The following EPDR1 variants were observed in gnomAD, a reference collection of about 807,000 sequenced individuals.
EPDR1 encodes ependymin related 1, also known as mammalian ependymin-related protein 1.
In EPDR1, 27 loss-of-function variants were observed where a neutral mutation model predicts 23.7. The observed-to-expected ratio is 1.14, with a 90% CI of 0.84 to 1.57. EPDR1 has a LOEUF of 1.57. EPDR1 is among the 40% of genes most tolerant of loss of function. The pLI is 0.00. For missense variants in EPDR1, 349 were observed against 290.4 expected (o/e 1.20, Z -1.47); for synonymous variants, 137 against 118.2 (o/e 1.16, Z -1.03).
intron 1 of EPDR1, among the ~76,000 whole-genome samples, chr7:37,935,344 T>A (rs527368574): frequency 6.6e-6 from 1 of 152,354 alleles, no homozygotes; most frequent in South Asian, 2.1e-4. Flanking sequence ...CTTTGTTACG[T>A]AGTAGAGCAA....
intron 1 of EPDR1, among the ~76,000 whole-genome samples, chr7:37,933,357 A>G (rs1215555149): frequency 6.6e-6 from 1 of 152,208 alleles, no homozygotes; most frequent in Non-Finnish European, 1.5e-5. Flanking sequence ...TATATCTTGG[A>G]TGGCTGAGCA....
intron 1 of EPDR1, among the ~76,000 whole-genome samples, chr7:37,947,434 T>C (rs1449290310): frequency 6.6e-6 from 1 of 152,236 alleles, no homozygotes; most frequent in African/African-American, 2.4e-5. Flanking sequence ...AAGCCTATCA[T>C]GAAGTGACGC....
intron 1 of EPDR1, among the ~76,000 whole-genome samples, chr7:37,927,283 A>G (rs1785833356): frequency 6.6e-6 from 1 of 152,176 alleles, no homozygotes; most frequent in African/African-American, 2.4e-5. Flanking sequence ...ACACATTTAC[A>G]TCTATATTTA....
chr7:37,949,145 C>T, intron 2 of EPDR1, 97 bp downstream of exon 2: 1 of 1,243,076 alleles, frequency 8.0e-7, no homozygotes, highest in Non-Finnish European at 1.1e-6. Flanking sequence ...GAAACATCCG[C>T]TTAATCAAAA....
chr7:37,925,538 T>C (rs1036087770), intron 1 of EPDR1, among the ~76,000 whole-genome samples: 4 of 152,238 alleles, frequency 2.6e-5, no homozygotes, highest in Admixed American at 2.0e-4. Context: ...ATATTATTTC[T>C]TGGAGAAGAG....
intron 1 of EPDR1, among the ~76,000 whole-genome samples, chr7:37,944,408 G>C (rs551561389): frequency 1.3e-5 from 2 of 152,186 alleles, no homozygotes; most frequent in Admixed American, 6.5e-5. Context: ...ACTCTGGTGA[G>C]GAAGGTAAAT....
At chr7:37,921,451 G>A in intron 1 of EPDR1, 6 of 1,382,196 alleles carry the variant, frequency 4.3e-6, no homozygotes, top group Non-Finnish European at 5.6e-6. Context: ...GGCGGTGGCA[G>A]GTAAAGAAGG....
intron 1 of EPDR1, among the ~76,000 whole-genome samples, chr7:37,944,910 A>G (rs1359198862): frequency 6.6e-6 from 1 of 152,206 alleles, no homozygotes; most frequent in Non-Finnish European, 1.5e-5. Context: ...TTGCAGTCTG[A>G]GAAGCACACA....
At chr7:37,934,166 C>T (rs967890069) in intron 1 of EPDR1, among the ~76,000 whole-genome samples, 3 of 152,028 alleles carry the variant, frequency 2.0e-5, no homozygotes, top group Non-Finnish European at 2.9e-5. Context: ...TTAGTAGAGA[C>T]GGAGTTTCAC....
At chr7:37,923,251 T>C (rs1785745836) in intron 1 of EPDR1, among the ~76,000 whole-genome samples, 1 of 152,116 alleles carries the variant, frequency 6.6e-6, no homozygotes, top group Non-Finnish European at 1.5e-5. Flanking sequence ...GAGATTGTCG[T>C]AGTGGTCCAG....
chr7:37,948,960 C>G lies in EPDR1; in HGVS notation c.390C>G (p.Asn130Lys), dbSNP rs1191733162. The part of the protein sequence containing the change: ...QPWDPLDIPQ[N>K]STFEDQYSIG... ...GGGATCCTCTTGACATTCCTCAAAA[C>G]TCCACCTTTGAAGACCAGTACTCCA... Residue 130 changes from asparagine (N) to lysine (K), a missense_variant, in exon 2 of 3, where the codon AAC becomes AAG. Physicochemically the swap from Asn to Lys is moderately conservative, Grantham distance 94. Transcript: ENST00000199448. The G allele has an allele frequency of 1.2e-6, 2 of 1,614,148 alleles. No homozygotes were observed. The highest frequency in any genetic ancestry group is 2.2e-5 in the East Asian group (1 of 44,876).
chr7:37,934,316 T>C (rs1186328135), intron 1 of EPDR1, among the ~76,000 whole-genome samples: 1 of 152,176 alleles, frequency 6.6e-6, no homozygotes, highest in Non-Finnish European at 1.5e-5. Context: ...AGTTCCAAGA[T>C]TGCATGTTGA....
At chr7:37,929,474 G>T (rs982412124) in intron 1 of EPDR1, among the ~76,000 whole-genome samples, 1 of 152,196 alleles carries the variant, frequency 6.6e-6, no homozygotes. Context: ...ACTGCTAAGA[G>T]CAGGGCCTGA....
chr7:37,948,506 G>A (rs1380876029), intron 1 of EPDR1, among the ~76,000 whole-genome samples: 1 of 151,976 alleles, frequency 6.6e-6, no homozygotes, highest in Admixed American at 6.6e-5. Flanking sequence ...GCCATGTCTG[G>A]CTAATTTTTA....
chr7:37,923,249 C>T (rs1371198722), intron 1 of EPDR1, among the ~76,000 whole-genome samples: 1 of 152,078 alleles, frequency 6.6e-6, no homozygotes, highest in Non-Finnish European at 1.5e-5. Context: ...TGGAGATTGT[C>T]GTAGTGGTCC....
intron 1 of EPDR1, among the ~76,000 whole-genome samples, chr7:37,928,468 T>C (rs143028583): frequency 1.4e-3 from 212 of 152,290 alleles, no homozygotes; most frequent in South Asian, 2.7e-3. Flanking sequence ...AAAGCAAATC[T>C]CATGCTAACT....
chr7:37,933,522 T>A (rs75474297), intron 1 of EPDR1, among the ~76,000 whole-genome samples: 13,020 of 152,286 alleles, frequency 0.085, 735 homozygotes, highest in Non-Finnish European at 0.12. Context: ...AAAATAAAAA[T>A]GCTAATAACA....
intron 1 of EPDR1, among the ~76,000 whole-genome samples, chr7:37,922,811 TA>T (rs1287617526): frequency 3.3e-5 from 5 of 151,984 alleles, no homozygotes; most frequent in African/African-American, 4.8e-5. Context: ...GTCACATAAA[TA>T]AAAAAAATTT....
At chr7:37,936,387 C>T (rs1756120902) in intron 1 of EPDR1, among the ~76,000 whole-genome samples, 1 of 151,912 alleles carries the variant, frequency 6.6e-6, no homozygotes. Context: ...GAAACCACAG[C>T]CCTTTTTCTG....
Sources: allele counts gnomAD v4.1 joint callset (sites outside exome capture counted in the v4.1 genomes callset), GRCh38; gene constraint gnomAD v4.1.1; transcripts MANE v1.5; gene names NCBI Gene and HGNC (gene_info 2026-07-23, HGNC 2026-07-21).